Variants in EPHA5 observed in about 807,000 individuals in gnomAD.
EPHA5 encodes ephrin type-A receptor 5.
In EPHA5, 60 loss-of-function variants were observed where a neutral mutation model predicts 105.0. The ratio of observed to expected loss-of-function variants is 0.57; its 90% confidence interval spans 0.46 to 0.71. The LOEUF is 0.71. Ranked by LOEUF, EPHA5 falls within the 30% of genes least tolerant of loss-of-function variation. The probability of loss-of-function intolerance (pLI) is 0.00; values close to 1 mark genes in which losing one functional copy is unlikely to be tolerated. For missense variants in EPHA5, 1,218 were observed against 1,274.7 expected (o/e 0.96, Z 0.68); for synonymous variants, 513 against 449.1 (o/e 1.14, Z -1.80).
chr4:65,536,638 C>T (rs1236708488), intron 3 of EPHA5, among the ~76,000 whole-genome samples: 1 of 146,940 alleles, frequency 6.8e-6, no homozygotes, highest in African/African-American at 2.5e-5. Flanking sequence ...TAAGTTAATA[C>T]TTTGAATCAA....
intron 2 of EPHA5, among the ~76,000 whole-genome samples, chr4:65,604,426 A>C (rs1383178397): frequency 6.6e-6 from 1 of 152,172 alleles, no homozygotes; most frequent in African/African-American, 2.4e-5. Context: ...TCATGGTGAG[A>C]TTTTATTTAT....
chr4:65,403,142 A>G (rs943218839), intron 8 of EPHA5, among the ~76,000 whole-genome samples: 14 of 152,192 alleles, frequency 9.2e-5, no homozygotes, highest in African/African-American at 3.4e-4. Flanking sequence ...GAAGTAATAG[A>G]ATTTTCATAT....
chr4:65,638,427 A>G (rs537331727), intron 2 of EPHA5, among the ~76,000 whole-genome samples: 5 of 152,326 alleles, frequency 3.3e-5, no homozygotes, highest in Non-Finnish European at 7.3e-5. Context: ...AACAGAATTC[A>G]TAATTTACAT....
intron 8 of EPHA5, among the ~76,000 whole-genome samples, chr4:65,372,316 T>C (rs1454746432): frequency 6.6e-6 from 1 of 151,934 alleles, no homozygotes; most frequent in East Asian, 1.9e-4. Context: ...AATAAGCATA[T>C]GAACATTAAG....
At chr4:65,474,020 T>C (rs1394660710) in intron 5 of EPHA5, among the ~76,000 whole-genome samples, 2 of 102,284 alleles carry the variant, frequency 2.0e-5, no homozygotes, top group African/African-American at 7.7e-5. Context: ...GGGCCTGTTG[T>C]GGGGTGGGGG....
intron 14 of EPHA5, 94 bp downstream of exon 14, chr4:65,347,960 C>T (rs1722378127): frequency 1.5e-5 from 19 of 1,244,118 alleles, no homozygotes; most frequent in Admixed American, 2.6e-5. Context: ...TTTTCTTAAG[C>T]AACTGTCACT....
chr4:65,371,028 C>A (rs1157305049), intron 8 of EPHA5, among the ~76,000 whole-genome samples: 1 of 152,102 alleles, frequency 6.6e-6, no homozygotes, highest in African/African-American at 2.4e-5. Context: ...ATCAGAAAAA[C>A]AGTCAATAAA....
At chr4:65,539,459 C>T (rs1010807026) in intron 3 of EPHA5, among the ~76,000 whole-genome samples, 1 of 151,434 alleles carries the variant, frequency 6.6e-6, no homozygotes, top group Non-Finnish European at 1.5e-5. Context: ...TGTTTTTAAG[C>T]AGGTGTGAAA....
intron 7 of EPHA5, among the ~76,000 whole-genome samples, chr4:65,413,376 G>T (rs1723093335): frequency 6.6e-6 from 1 of 151,960 alleles, no homozygotes; most frequent in Non-Finnish European, 1.5e-5. Flanking sequence ...ACTTAAATAT[G>T]CTTTAAAAAG....
intron 16 of EPHA5, among the ~76,000 whole-genome samples, chr4:65,324,815 A>G (rs1719923669): frequency 6.8e-6 from 1 of 147,740 alleles, no homozygotes; most frequent in Non-Finnish European, 1.5e-5. Flanking sequence ...TCCAAGCTCT[A>G]CTGGCACTTA....
chr4:65,401,902 T>TGAGA (rs1445357655), intron 8 of EPHA5, among the ~76,000 whole-genome samples: 1 of 101,620 alleles, frequency 9.8e-6, no homozygotes, highest in African/African-American at 6.8e-5. Context: ...TATGTGTGTG[T>TGAGA]GTGAGAGAGA....
At chr4:65,475,586 C>A (rs774193381) in intron 5 of EPHA5, among the ~76,000 whole-genome samples, 4 of 152,074 alleles carry the variant, frequency 2.6e-5, no homozygotes, top group Non-Finnish European at 5.9e-5. Context: ...GAAACCTCAG[C>A]ATGAGGTTTT....
intron 1 of EPHA5, among the ~76,000 whole-genome samples, chr4:65,644,296 T>A (rs1454455532): frequency 6.6e-6 from 1 of 151,916 alleles, no homozygotes; most frequent in Non-Finnish European, 1.5e-5. Context: ...TCAAACTAGC[T>A]TATAGGGTAC....
At chr4:65,591,341 C>T (rs1456378126) in intron 3 of EPHA5, among the ~76,000 whole-genome samples, 1 of 151,738 alleles carries the variant, frequency 6.6e-6, no homozygotes, top group Non-Finnish European at 1.5e-5. Flanking sequence ...AAATTCATGC[C>T]TTTTTTTCTT....
intron 3 of EPHA5, among the ~76,000 whole-genome samples, chr4:65,590,235 A>G (rs1742509535): frequency 6.6e-6 from 1 of 152,188 alleles, no homozygotes; most frequent in Non-Finnish European, 1.5e-5. Context: ...TGAGCAGGAT[A>G]TCTTCAAGCT....
At chr4:65,449,113 T>C (rs572881891) in intron 5 of EPHA5, among the ~76,000 whole-genome samples, 10 of 152,056 alleles carry the variant, frequency 6.6e-5, no homozygotes, top group Non-Finnish European at 1.3e-4. Flanking sequence ...TTAAAAACAA[T>C]AAAAATTACT....
chr4:65,363,407 C>T (rs913202562), intron 11 of EPHA5, among the ~76,000 whole-genome samples: 3 of 151,502 alleles, frequency 2.0e-5, no homozygotes, highest in African/African-American at 4.8e-5. Context: ...AATTCAATTG[C>T]ATCACTAGAT....
chr4:65,323,938 C>T lies in EPHA5; in HGVS notation c.*176G>A. 2.0e-6 allele frequency: 1 copy of T among 488,202 alleles called. No homozygotes were observed. The highest frequency in any genetic ancestry group is 3.9e-5 in the Admixed American group (1 of 25,538). The allele number at this position is 488,202 out of a possible 1,614,324, so 30.2% of individuals were successfully genotyped here. A position where few individuals can be genotyped will look rare whatever the true frequency, so the allele number is the denominator to read the frequency against. On this transcript the variant is annotated 3_prime_UTR_variant, in exon 17 of 17. Coordinates refer to ENST00000613740, the MANE Select transcript of EPHA5 (RefSeq NM_001281766.3). ...CTTCATGAAAAATGAAGACTAAGGA[C>T]TAAGAACTGGATACTTCAGTAAAAC...
At chr4:65,334,936 A>G in intron 15 of EPHA5, among the ~76,000 whole-genome samples, 1 of 152,000 alleles carries the variant, frequency 6.6e-6, no homozygotes, top group Middle Eastern at 3.2e-3. Flanking sequence ...GGAACAACAT[A>G]AGGAATAATT....
Sources: allele counts gnomAD v4.1 joint callset (sites outside exome capture counted in the v4.1 genomes callset), GRCh38; gene constraint gnomAD v4.1.1; transcripts MANE v1.5; gene names NCBI Gene and HGNC (gene_info 2026-07-23, HGNC 2026-07-21).